SLC10A7: variants seen among roughly 807,000 people sequenced by gnomAD.
SLC10A7 encodes the protein sodium/bile acid cotransporter 7.
A neutral mutation model predicts 43.2 loss-of-function variants in SLC10A7; 29 were observed. The ratio of observed to expected loss-of-function variants is 0.67; its 90% CI spans 0.50 to 0.92. The LOEUF is 0.92. Ranked by LOEUF, SLC10A7 falls within the 40% of genes least tolerant of loss-of-function variation. SLC10A7 has a pLI of 0.00. For synonymous variants in SLC10A7, 152 were observed against 144.8 expected (o/e 1.05, Z -0.35); for missense variants, 295 against 403.2 (o/e 0.73, Z 2.30).
intron 4 of SLC10A7, among the ~76,000 whole-genome samples, chr4:146,491,745 A>G (rs893864767): frequency 6.9e-6 from 1 of 145,422 alleles, no homozygotes; most frequent in Non-Finnish European, 1.5e-5. Flanking sequence ...GGAAGGAAGG[A>G]AATAAATTCC....
intron 5 of SLC10A7, among the ~76,000 whole-genome samples, chr4:146,329,962 G>A (rs996858947): frequency 1.3e-5 from 2 of 152,188 alleles, no homozygotes; most frequent in African/African-American, 4.8e-5. Flanking sequence ...AGCAAAAGAT[G>A]TTACCTCCTC....
In SLC10A7 at chr4:146,370,393, C is replaced by T. The variant is rs1008626505; in HGVS notation, c.436-44397G>A. Among the ~76,000 whole-genome samples, 9 of 152,178 alleles carry T rather than the reference C, an allele frequency of 5.9e-5. No individual in the cohort carries two copies. The East Asian group carries it at 9.6e-4, about 16-fold the overall frequency. On this transcript the variant is annotated intron_variant, in intron 5 of 11. Transcript: ENST00000335472. ...CTTGGATAGAAACCAGTCCTTTTAT[C>T]GCTCCATTTGTATCAAGAGATATGC...
At chr4:146,298,384 G>A (rs1173862462) in intron 7 of SLC10A7, among the ~76,000 whole-genome samples, 1 of 152,088 alleles carries the variant, frequency 6.6e-6, no homozygotes, top group African/African-American at 2.4e-5. Context: ...AATGCTATAA[G>A]TGTAAAACTC....
intron 4 of SLC10A7, among the ~76,000 whole-genome samples, chr4:146,474,389 G>A (rs1166528042): frequency 6.6e-6 from 1 of 152,068 alleles, no homozygotes; most frequent in Non-Finnish European, 1.5e-5. Context: ...CATCTTCCAA[G>A]TCATTAAGTA....
At position 146,256,494 on chromosome 4, in the gene SLC10A7, T is replaced by C; in HGVS notation, c.1020A>G (p.Val340=). Residue 340 remains valine (V), a synonymous_variant, in exon 12 of 12, where the codon GTA becomes GTG. Transcript: ENST00000335472. ...TACAGAAAGTCCACCTCCTTTGTTATACTGTCGGCCTTGTCAGCTTCACTC... is the reference window on the plus strand; with the variant it reads ...TACAGAAAGTCCACCTCCTTTGTTACACTGTCGGCCTTGTCAGCTTCACTC... ...QKGVKLTRPT[V] The C allele has an allele frequency of 6.2e-7, 1 of 1,614,110 alleles. No individual in the cohort carries two copies. The highest frequency in any genetic ancestry group is 8.5e-7 in the Non-Finnish European group (1 of 1,179,942).
intron 5 of SLC10A7, among the ~76,000 whole-genome samples, chr4:146,411,866 G>A (rs781497306): frequency 5.9e-5 from 9 of 152,082 alleles, no homozygotes; most frequent in Non-Finnish European, 8.8e-5. Context: ...AATGAAGCTC[G>A]TTTTGCTTGT....
At chr4:146,421,835 A>G (rs1184208828) in intron 5 of SLC10A7, among the ~76,000 whole-genome samples, 1 of 152,184 alleles carries the variant, frequency 6.6e-6, no homozygotes, top group Non-Finnish European at 1.5e-5. Flanking sequence ...TCAATTTTCA[A>G]GATCTTCACA....
intron 4 of SLC10A7, among the ~76,000 whole-genome samples, chr4:146,491,602 A>T (rs1029920454): frequency 6.6e-6 from 1 of 151,800 alleles, no homozygotes; most frequent in Non-Finnish European, 1.5e-5. Flanking sequence ...CACACAAAGT[A>T]ATTATATTTT....
chr4:146,294,263 A>G (rs1216969729), intron 7 of SLC10A7, among the ~76,000 whole-genome samples, 168 bp from the exon 8 acceptor site: 1 of 152,132 alleles, frequency 6.6e-6, no homozygotes, highest in East Asian at 1.9e-4. Context: ...TCTTCTGGGG[A>G]ATTTAACATT....
intron 3 of SLC10A7, among the ~76,000 whole-genome samples, chr4:146,506,586 A>G (rs566798033): frequency 6.6e-5 from 10 of 152,304 alleles, no homozygotes; most frequent in African/African-American, 2.2e-4. Context: ...TAAAGTAACC[A>G]GTAATCCCCA....
intron 5 of SLC10A7, among the ~76,000 whole-genome samples, chr4:146,348,800 G>A (rs1448997308): frequency 3.3e-5 from 5 of 152,100 alleles, no homozygotes; most frequent in Non-Finnish European, 7.4e-5. Context: ...TTGTGAGATA[G>A]CCAAAGATAT....
At chr4:146,436,062 T>A (rs915810804) in intron 5 of SLC10A7, among the ~76,000 whole-genome samples, 1 of 152,050 alleles carries the variant, frequency 6.6e-6, no homozygotes, top group African/African-American at 2.4e-5. Flanking sequence ...AAATCCATCA[T>A]TATTAAAATA....
intron 10 of SLC10A7, among the ~76,000 whole-genome samples, chr4:146,276,070 C>T (rs1337157988): frequency 4.6e-5 from 7 of 152,090 alleles, no homozygotes; most frequent in African/African-American, 1.7e-4. Context: ...ATGGGATTTG[C>T]CAGATTCTTA....
intron 5 of SLC10A7, among the ~76,000 whole-genome samples, chr4:146,358,010 A>G (rs1408366443): frequency 6.6e-6 from 1 of 151,986 alleles, no homozygotes; most frequent in Non-Finnish European, 1.5e-5. Context: ...GTTCATGCCT[A>G]ATATTGTATT....
intron 5 of SLC10A7, among the ~76,000 whole-genome samples, chr4:146,404,162 G>T (rs1208802716): frequency 6.6e-6 from 1 of 152,094 alleles, no homozygotes; most frequent in African/African-American, 2.4e-5. Context: ...GGTGACGAGA[G>T]CACCACTATA....
At chr4:146,455,721 T>G (rs1333881554) in intron 4 of SLC10A7, among the ~76,000 whole-genome samples, 2 of 151,946 alleles carry the variant, frequency 1.3e-5, no homozygotes, top group Non-Finnish European at 2.9e-5. Context: ...AGGACTATAC[T>G]GAAATCACAG....
At chr4:146,389,566 A>AC (rs1215377448) in intron 5 of SLC10A7, among the ~76,000 whole-genome samples, 4 of 152,220 alleles carry the variant, frequency 2.6e-5, no homozygotes, top group Non-Finnish European at 5.9e-5. Flanking sequence ...ACAAACATAC[A>AC]CTTAATGAGA....
intron 8 of SLC10A7, 73 bp downstream of exon 8, chr4:146,293,857 G>A: frequency 1.1e-6 from 1 of 947,048 alleles, no homozygotes. Context: ...CATGAATTTA[G>A]AGAACACACA....
intron 5 of SLC10A7, among the ~76,000 whole-genome samples, chr4:146,347,024 G>T (rs912905714): frequency 6.6e-6 from 1 of 152,104 alleles, no homozygotes; most frequent in Non-Finnish European, 1.5e-5. Context: ...GTTAAGGAAA[G>T]GCTGCTTACC....
Sources: gnomAD v4.1 joint callset for allele counts (sites outside exome capture counted in the v4.1 genomes callset) on GRCh38, gnomAD v4.1.1 for gene constraint, MANE v1.5 for transcripts, NCBI Gene and HGNC (gene_info 2026-07-23, HGNC 2026-07-21) for gene names.